The following ZNF141 variants were observed in gnomAD, a reference collection of about 807,000 sequenced individuals.
ZNF141 encodes the protein zinc finger protein 141.
A neutral mutation model predicts 11.3 loss-of-function variants in ZNF141; 7 were observed. That is an observed-to-expected ratio of 0.62 (90% CI 0.35 to 1.16). The LOEUF (loss-of-function observed/expected upper bound fraction) is 1.16, where lower values mean the gene tolerates loss of function less well. Ranked by LOEUF, ZNF141 falls within the 50% of genes most tolerant of loss-of-function variation. The pLI is 0.02. For synonymous variants in ZNF141, 183 were observed against 190.7 expected, an observed-to-expected ratio of 0.96 and a Z score of 0.33; for missense variants, 535 against 554.0, an observed-to-expected ratio of 0.97 and a Z score of 0.34.
rs1712441773 is a variant in ZNF141, at chr4:377,812, A to G, written c.*3950A>G. ...TTAATATAAGTGGGTTGTATATTGT[A>G]CCACCATATGAAGAAACATCAGAAT... On this transcript the variant is annotated 3_prime_UTR_variant, in exon 4 of 4. Transcript: ENST00000240499. Among the ~76,000 whole-genome samples the G allele has an allele frequency of 6.6e-6, 1 of 152,220 alleles. No individual in the cohort carries two copies. Among genetic ancestry groups the G allele is most frequent in the African/African-American group, 2.4e-5 (1 of 41,460 alleles).
At chr4:353,586 A>G (rs561818955) in intron 3 of ZNF141, among the ~76,000 whole-genome samples, 2 of 151,354 alleles carry the variant, frequency 1.3e-5, no homozygotes, top group African/African-American at 4.8e-5. Flanking sequence ...TCAGCCTCTC[A>G]AGTAGCTGGG....
At chr4:368,536 C>T (rs528398035) in intron 3 of ZNF141, among the ~76,000 whole-genome samples, 1 of 152,348 alleles carries the variant, frequency 6.6e-6, no homozygotes, top group Non-Finnish European at 1.5e-5. Context: ...GCCACCATGC[C>T]TGGCCAATCG....
intron 3 of ZNF141, among the ~76,000 whole-genome samples, chr4:352,803 C>T (rs182450308): frequency 3.9e-5 from 6 of 152,116 alleles, no homozygotes; most frequent in Admixed American, 3.3e-4. Context: ...ACATATAAAT[C>T]GTTTTTGCTA....
intron 3 of ZNF141, among the ~76,000 whole-genome samples, chr4:369,764 A>ATTTATTTTTTTTTTTTTTTTTTTTT (rs1711960320): frequency 2.1e-5 from 1 of 48,742 alleles, no homozygotes; most frequent in Non-Finnish European, 3.1e-5. Flanking sequence ...ATATATATAT[A>ATTTATTTTTTTTTTTTTTTTTTTTT]TTTTTTTTTT....
chr4:361,893 A>C (rs1553852232), intron 3 of ZNF141, among the ~76,000 whole-genome samples: 1 of 152,234 alleles, frequency 6.6e-6, no homozygotes, highest in Non-Finnish European at 1.5e-5. Context: ...GTATATACCC[A>C]TTAATAGGAT....
At chr4:346,000 T>G (rs1721302934) in intron 3 of ZNF141, among the ~76,000 whole-genome samples, 1 of 152,188 alleles carries the variant, frequency 6.6e-6, no homozygotes, top group African/African-American at 2.4e-5. Flanking sequence ...TAGTAGGAAG[T>G]CTGTTGAGAT....
At chr4:347,443 C>G (rs1721388838) in intron 3 of ZNF141, among the ~76,000 whole-genome samples, 1 of 150,686 alleles carries the variant, frequency 6.6e-6, no homozygotes, top group African/African-American at 2.4e-5. Flanking sequence ...GGGTTCACGC[C>G]ATTCTCCTGC....
chr4:342,343 G>A (rs1721087212), intron 1 of ZNF141, among the ~76,000 whole-genome samples: 2 of 152,188 alleles, frequency 1.3e-5, no homozygotes, highest in Admixed American at 6.5e-5. Flanking sequence ...TAACCTTATA[G>A]GGTCTGCAGA....
rs150560134 is a variant in ZNF141, at chr4:355,543, A to G, written c.226+11113A>G. Among the ~76,000 whole-genome samples, 1,133 of 152,248 alleles carry G rather than the reference A, an allele frequency of 7.4e-3. 10 individuals carry two copies. The Middle Eastern group carries it at 0.075, about 10-fold the overall frequency. ...TTTCTAGATGTCTATTTAGTCTCAT[A>G]TAAATATAGGCATTCCTACACTTTT... On this transcript the variant is annotated intron_variant, in intron 3 of 3. Transcript: ENST00000240499.
rs530837089 is a variant in ZNF141 at position 339,786 on chromosome 4, C to T, written c.3+1800C>T. Among the ~76,000 whole-genome samples the T allele has an allele frequency of 2.2e-3, 332 of 152,282 alleles. 1 individual carries two copies. Among genetic ancestry groups the T allele is most frequent in the Admixed American group, 6.1e-3 (93 of 15,306 alleles). ...AAATGTGCATAGCAAGAATATATAA[C>T]CTATTCCGCAATTTCTGTAGCAGAG... On this transcript the variant is annotated intron_variant, in intron 1 of 3. Coordinates refer to ENST00000240499, the MANE Select transcript of ZNF141 (RefSeq NM_003441.4).
intron 1 of ZNF141, among the ~76,000 whole-genome samples, chr4:339,052 A>T (rs1472106829): frequency 6.6e-6 from 1 of 152,220 alleles, no homozygotes; most frequent in Non-Finnish European, 1.5e-5. Flanking sequence ...CCCTGCTGCC[A>T]GCCCCCACCC....
chr4:345,653 A>G (rs1220687404), intron 3 of ZNF141, among the ~76,000 whole-genome samples: 1 of 149,110 alleles, frequency 6.7e-6, no homozygotes, highest in African/African-American at 2.5e-5. Context: ...GCTTGAACCC[A>G]GGAGACGGAG....
chr4:361,174 AT>A (rs1476440436), intron 3 of ZNF141, among the ~76,000 whole-genome samples: 7 of 152,176 alleles, frequency 4.6e-5, no homozygotes, highest in African/African-American at 1.7e-4. Context: ...CTTTAGATTA[AT>A]TTTATCTTAC....
intron 2 of ZNF141, 94 bp downstream of exon 2, chr4:344,002 T>C: frequency 2.0e-6 from 3 of 1,501,714 alleles, no homozygotes; most frequent in Non-Finnish European, 2.7e-6. Context: ...ATGTTTTATC[T>C]TTACATAAAC....
chr4:343,478 C>A (rs931117589), intron 1 of ZNF141, among the ~76,000 whole-genome samples: 1 of 152,092 alleles, frequency 6.6e-6, no homozygotes, highest in Non-Finnish European at 1.5e-5. Flanking sequence ...GTAATCCCAG[C>A]ACTGTGGGAG....
rs191528032 is a variant in ZNF141, at chr4:363,583, C to T, written c.227-9081C>T. On this transcript the variant is annotated intron_variant, in intron 3 of 3. Transcript: ENST00000240499. ...CATCCTGGCTAACACCGTGAAACCTCGTCTGTACTAAAAAAATGGAAACAA... is the reference window on the plus strand; with the variant it reads ...CATCCTGGCTAACACCGTGAAACCTTGTCTGTACTAAAAAAATGGAAACAA... 2.4e-3 allele frequency among the ~76,000 whole-genome samples: 363 copies of T among 152,160 alleles called. 10 individuals carry two copies. The South Asian group carries it at 0.063, about 26-fold the overall frequency.
rs1344540966 is a variant in ZNF141 at position 358,150 on chromosome 4, A to G, written c.226+13720A>G. ...TTTTAGTTCTATTGTGTACTCCAGCATATGTATTTGGTTCTTTTTTAAGTT... is the reference window on the plus strand; with the variant it reads ...TTTTAGTTCTATTGTGTACTCCAGCGTATGTATTTGGTTCTTTTTTAAGTT... On this transcript the variant is annotated intron_variant, in intron 3 of 3. Transcript: ENST00000240499. 23 of 387,874 alleles carry G rather than the reference A, an allele frequency of 5.9e-5. 1 individual carries two copies. The East Asian group carries it at 1.0e-3, about 17-fold the overall frequency. 24.0% of individuals were successfully genotyped at this position (387,874 alleles called of 1,614,324 possible).
In ZNF141 at chr4:373,594, A is replaced by G; in HGVS notation, c.1157A>G (p.Lys386Arg). The G allele has an allele frequency of 1.2e-6, 2 of 1,614,102 alleles. No homozygotes were observed. Among genetic ancestry groups the G allele is most frequent in the Non-Finnish European group, 1.7e-6 (2 of 1,179,982 alleles). ...CGGTCCAGGGTCCTGAATGAACATA[A>G]AAAAATTCATACTGGAGAGAAACCC... ...FGRSRVLNEH[K>R]KIHTGEKPYK... Residue 386 changes from lysine to arginine, a missense_variant, in exon 4 of 4, where the codon AAA becomes AGA. Transcript: ENST00000240499.
rs185589065 is a variant in ZNF141 at position 354,277 on chromosome 4, C to G, written c.226+9847C>G. On this transcript the variant is annotated intron_variant, in intron 3 of 3. Coordinates refer to ENST00000240499, the MANE Select transcript of ZNF141 (RefSeq NM_003441.4). Reference sequence around the variant, plus strand: ...CCTTTTCTTATTCTGCATTTTCCCCCCACAGACCCTCTCTCATGTGAACAC... The same window carrying G: ...CCTTTTCTTATTCTGCATTTTCCCCGCACAGACCCTCTCTCATGTGAACAC... Among the ~76,000 whole-genome samples, 3 of 152,294 alleles carry G rather than the reference C, an allele frequency of 2.0e-5. No homozygotes were observed. The East Asian group carries it at 5.8e-4, about 29-fold the overall frequency.
Sources: allele counts gnomAD v4.1 joint callset (sites outside exome capture counted in the v4.1 genomes callset), GRCh38; gene constraint gnomAD v4.1.1; transcripts MANE v1.5; gene names NCBI Gene and HGNC (gene_info 2026-07-23, HGNC 2026-07-21).